ANO4: variants seen among roughly 807,000 people sequenced by gnomAD.
ANO4 encodes the protein anoctamin 4.
ANO4 carries 69 observed loss-of-function variants against 141.9 expected under a neutral mutation model. The ratio of observed to expected loss-of-function variants is 0.49; its 90% CI spans 0.40 to 0.59. ANO4 has a LOEUF of 0.59. ANO4 is among the 20% of genes least tolerant of loss of function. The pLI, the probability that ANO4 is intolerant of heterozygous loss-of-function variation, is 0.00. For missense variants in ANO4, 894 were observed against 1,162.2 expected (o/e 0.77, Z 3.36); for synonymous variants, 350 against 394.3 (o/e 0.89, Z 1.33).
intron 25 of ANO4, among the ~76,000 whole-genome samples, chr12:101,119,761 A>C (rs531362634): frequency 6.6e-6 from 1 of 152,324 alleles, no homozygotes; most frequent in East Asian, 1.9e-4. Flanking sequence ...CAATTGATGT[A>C]AGTTCCTGGT....
chr12:101,044,119 T>C (rs903113123), intron 13 of ANO4, among the ~76,000 whole-genome samples: 4 of 152,112 alleles, frequency 2.6e-5, no homozygotes, highest in African/African-American at 9.7e-5. Flanking sequence ...CAAAATGACC[T>C]CCAATTAAGG....
At chr12:100,955,721 T>G (rs1315324023) in intron 5 of ANO4, among the ~76,000 whole-genome samples, 5 of 152,204 alleles carry the variant, frequency 3.3e-5, no homozygotes, top group Non-Finnish European at 5.9e-5. Flanking sequence ...AAAAGTTCTA[T>G]GGAAGCCCTG....
chr12:101,053,130 C>G (rs2047941092), intron 14 of ANO4, among the ~76,000 whole-genome samples: 1 of 152,170 alleles, frequency 6.6e-6, no homozygotes, highest in African/African-American at 2.4e-5. Context: ...AATTATAATA[C>G]AGGGCAAGTC....
At chr12:101,103,177 G>T (rs2050258681) in intron 22 of ANO4, among the ~76,000 whole-genome samples, 7 of 84,152 alleles carry the variant, frequency 8.3e-5, no homozygotes, top group African/African-American at 1.6e-4. Flanking sequence ...TTCCTTTTTA[G>T]TCATTTTATA....
intron 3 of ANO4, among the ~76,000 whole-genome samples, chr12:100,760,649 T>C (rs1423391145): frequency 6.6e-6 from 1 of 152,200 alleles, no homozygotes; most frequent in African/African-American, 2.4e-5. Context: ...CCTTCCCCTC[T>C]AGTCTTGTAA....
chr12:100,947,425 A>G (rs1452209409), intron 5 of ANO4, among the ~76,000 whole-genome samples: 3 of 152,156 alleles, frequency 2.0e-5, no homozygotes, highest in African/African-American at 7.2e-5. Flanking sequence ...GGTAAGGCCA[A>G]CCCTTCACTT....
chr12:100,935,639 AG>A (rs1426589114), intron 3 of ANO4, among the ~76,000 whole-genome samples: 1 of 152,316 alleles, frequency 6.6e-6, no homozygotes, highest in East Asian at 1.9e-4. Context: ...ATGGATAGAA[AG>A]GCCTCACTCC....
chr12:101,120,569 A>G lies in ANO4; in HGVS notation c.2620A>G (p.Thr874Ala). 1 of 1,614,138 alleles carries G rather than the reference A, an allele frequency of 6.2e-7. No homozygotes were observed. Among genetic ancestry groups the G allele is most frequent in the Non-Finnish European group, 8.5e-7 (1 of 1,180,018 alleles). The change falls in exon 26 of 28, where the codon ACA (threonine) becomes GCA (alanine). Residue 874 changes from threonine (T) to alanine (A), a missense_variant. Thr to Ala is a moderately conservative substitution (Grantham distance 58). Around this residue, in one of 2 missense-constraint regions of ANO4, gnomAD observed 637 missense variants for 909.2 expected, o/e 0.70. Coordinates refer to ENST00000392977, the MANE Select transcript of ANO4 (RefSeq NM_001286615.2). The stretch of plus-strand genomic sequence containing the variant: ...TCATTCACTGGTGCCCTATGGCTAC[A>G]CACTGCAGTTTTGGCATGTCCTAGC... ...PPHSLVPYGY[T>A]LQFWHVLAAR...
At chr12:101,068,707 G>A in intron 14 of ANO4, 1 of 1,292,852 alleles carries the variant, frequency 7.7e-7, no homozygotes, top group Non-Finnish European at 1.1e-6. Context: ...TTGTGTGAAA[G>A]CTGACAAAAT....
chr12:100,800,080 T>C (rs2034589113), intron 1 of ANO4, among the ~76,000 whole-genome samples: 1 of 152,200 alleles, frequency 6.6e-6, no homozygotes, highest in Admixed American at 6.5e-5. Context: ...GGTAATTTGT[T>C]TATGCTTGTG....
At chr12:100,991,181 A>C (rs2045083700) in intron 8 of ANO4, among the ~76,000 whole-genome samples, 1 of 152,204 alleles carries the variant, frequency 6.6e-6, no homozygotes, top group Non-Finnish European at 1.5e-5. Context: ...TTGCCATGTC[A>C]CATAGATAGC....
intron 26 of ANO4, among the ~76,000 whole-genome samples, 160 bp downstream of exon 26, chr12:101,120,785 T>TGAA (rs2051055610): frequency 6.6e-6 from 1 of 152,220 alleles, no homozygotes; most frequent in Non-Finnish European, 1.5e-5. Context: ...TTTTCTTAAT[T>TGAA]GAAGTATTTG....
In ANO4 at chr12:101,010,765, C is replaced by T. The variant is rs1593004895; in HGVS notation, c.735-9269C>T. ...GAAATATTTATTTTTAAGGCATTAA[C>T]CTTCCCTTATTATATTATGGAATAA... On this transcript the variant is annotated intron_variant, in intron 8 of 27. Coordinates refer to ENST00000392977, the MANE Select transcript of ANO4 (RefSeq NM_001286615.2). 2.0e-5 allele frequency among the ~76,000 whole-genome samples: 3 copies of T among 152,278 alleles called. No homozygotes were observed. The South Asian group carries it at 6.2e-4, about 32-fold the overall frequency.
intron 9 of ANO4, among the ~76,000 whole-genome samples, chr12:101,021,037 AGAATACAG>A (rs763207657): frequency 1.3e-5 from 2 of 152,308 alleles, no homozygotes; most frequent in Non-Finnish European, 2.9e-5. Context: ...ATAACTCTAA[AGAATACAG>A]GAATAGCAGA....
intron 1 of ANO4, among the ~76,000 whole-genome samples, chr12:100,859,561 A>T (rs1401638379): frequency 1.3e-5 from 2 of 152,190 alleles, no homozygotes; most frequent in Non-Finnish European, 2.9e-5. Flanking sequence ...TCAAATCATA[A>T]TTCCTCCGAT....
intron 2 of ANO4, among the ~76,000 whole-genome samples, chr12:100,917,644 T>G (rs1224792840): frequency 6.6e-6 from 1 of 152,184 alleles, no homozygotes; most frequent in African/African-American, 2.4e-5. Context: ...CTTACAAAAG[T>G]CCTTGTTTTA....
intron 9 of ANO4, among the ~76,000 whole-genome samples, chr12:101,036,394 C>T (rs538133250): frequency 2.0e-5 from 3 of 152,264 alleles, no homozygotes; most frequent in African/African-American, 4.8e-5. Flanking sequence ...GATATCTGCA[C>T]GTCCATGTTC....
intron 2 of ANO4, among the ~76,000 whole-genome samples, chr12:100,906,835 A>G (rs75537448): frequency 4.1e-3 from 624 of 152,046 alleles, no homozygotes; most frequent in Non-Finnish European, 6.5e-3. Flanking sequence ...AAAGGTATCT[A>G]CTCCTCTTTC....
chr12:101,017,223 C>T (rs1291016611), intron 8 of ANO4, among the ~76,000 whole-genome samples: 2 of 152,292 alleles, frequency 1.3e-5, no homozygotes, highest in Middle Eastern at 3.4e-3. Context: ...GCACATCTTA[C>T]GTGTTGGCAG....
Sources: gnomAD v4.1 joint callset for allele counts (sites outside exome capture counted in the v4.1 genomes callset) on GRCh38, gnomAD v4.1.1 for gene constraint, gnomAD v4.1.1 regional missense constraint, MANE v1.5 for transcripts, NCBI Gene and HGNC (gene_info 2026-07-23, HGNC 2026-07-21) for gene names.